Variants in KIAA1217 observed in about 807,000 individuals in gnomAD.
KIAA1217 encodes the protein KIAA1217.
Under a neutral mutation model 163.9 loss-of-function variants are expected in KIAA1217, and 88 were observed. That is an observed-to-expected ratio of 0.54 (90% CI 0.45 to 0.64). The LOEUF (loss-of-function observed/expected upper bound fraction) is 0.64. Ranked by LOEUF, KIAA1217 falls within the 30% of genes least tolerant of loss-of-function variation. The pLI is 0.00. For synonymous variants in KIAA1217, 903 were observed against 923.1 expected (o/e 0.98, Z 0.39); for missense variants, 2,372 against 2,475.0 (o/e 0.96, Z 0.88).
chr10:23,723,264 T>C (rs1837963267), intron 1 of KIAA1217, among the ~76,000 whole-genome samples: 1 of 152,140 alleles, frequency 6.6e-6, no homozygotes, highest in Admixed American at 6.6e-5. Flanking sequence ...GCTTTTGGGA[T>C]GATTGTATCT....
At chr10:24,148,937 A>G (rs1296833468) in intron 2 of KIAA1217, among the ~76,000 whole-genome samples, 1 of 152,210 alleles carries the variant, frequency 6.6e-6, no homozygotes, top group African/African-American at 2.4e-5. Flanking sequence ...ATATCTTAAA[A>G]TGATATGGAA....
intron 1 of KIAA1217, among the ~76,000 whole-genome samples, chr10:23,803,979 TATATG>T (rs1836611875): frequency 6.6e-6 from 1 of 152,236 alleles, no homozygotes; most frequent in African/African-American, 2.4e-5. Flanking sequence ...GCTTCATAGA[TATATG>T]ATATAAATAT....
chr10:24,133,478 A>G (rs2063728060), intron 2 of KIAA1217, among the ~76,000 whole-genome samples: 1 of 151,972 alleles, frequency 6.6e-6, no homozygotes, highest in Non-Finnish European at 1.5e-5. Flanking sequence ...AGGGTGAGGC[A>G]GAAGAATCAC....
intron 2 of KIAA1217, chr10:24,158,296 C>T (rs954484280): frequency 1.4e-6 from 1 of 701,368 alleles, no homozygotes; most frequent in Non-Finnish European, 2.7e-6. Context: ...CCGGTTGGAT[C>T]CTTTTTATAC....
intron 6 of KIAA1217, among the ~76,000 whole-genome samples, chr10:24,492,394 C>T (rs563074002): frequency 1.3e-5 from 2 of 152,296 alleles, no homozygotes; most frequent in African/African-American, 2.4e-5. Flanking sequence ...GGTTTAGCAT[C>T]GGCTGGTGTA....
chr10:23,952,329 C>A (rs1049414224), intron 1 of KIAA1217, among the ~76,000 whole-genome samples: 2 of 152,150 alleles, frequency 1.3e-5, no homozygotes. Context: ...CATTGCTTCC[C>A]GTGTTCTGGA....
At chr10:24,003,650 A>G (rs1846854624) in intron 1 of KIAA1217, among the ~76,000 whole-genome samples, 2 of 152,192 alleles carry the variant, frequency 1.3e-5, no homozygotes, top group South Asian at 2.1e-4. Context: ...GTCTTTTGCA[A>G]AAAGGGGTGG....
chr10:24,311,117 CA>C (rs954780182), intron 2 of KIAA1217, among the ~76,000 whole-genome samples: 1 of 152,142 alleles, frequency 6.6e-6, no homozygotes, highest in African/African-American at 2.4e-5. Context: ...TCCCCAATGC[CA>C]GAACTCCTAA....
Position 24,211,546 on chromosome 10 carries a change from TATTGTATTGTATTGTATTGTATTG to T in KIAA1217, c.70+2284_70+2307del, listed in dbSNP as rs1564836073. Among the ~76,000 whole-genome samples the T allele has an allele frequency of 9.5e-4, 81 of 85,550 alleles. 3 individuals are homozygous for T. Among genetic ancestry groups the T allele is most frequent in the South Asian group, 2.4e-3 (8 of 3,272 alleles). 56.1% of individuals were successfully genotyped at this position (85,550 alleles called of 152,430 possible). A position where few individuals can be genotyped will look rare whatever the true frequency, so the allele number is the denominator to read the frequency against. ...CACCATGCATGGTTGTATTGTATTG[TATTGTATTGTATTGTATTGTATTG>T]TATTGTATTGTATTGTATTGTATTT... On this transcript the variant is annotated intron_variant, in intron 1 of 20. Coordinates refer to ENST00000376454, the MANE Select transcript of KIAA1217 (RefSeq NM_019590.5).
chr10:24,448,516 A>T (rs2061145513), intron 5 of KIAA1217, among the ~76,000 whole-genome samples: 1 of 152,128 alleles, frequency 6.6e-6, no homozygotes, highest in Non-Finnish European at 1.5e-5. Context: ...CCTCCTGATT[A>T]GCTGGAACTA....
chr10:24,362,733 G>T (rs901832375), intron 2 of KIAA1217, among the ~76,000 whole-genome samples: 1 of 152,166 alleles, frequency 6.6e-6, no homozygotes, highest in Non-Finnish European at 1.5e-5. Flanking sequence ...GGGCGCGGTG[G>T]CTCACGCCTA....
intron 2 of KIAA1217, among the ~76,000 whole-genome samples, chr10:24,047,258 A>G (rs899003440): frequency 1.3e-5 from 2 of 152,120 alleles, no homozygotes; most frequent in African/African-American, 4.8e-5. Context: ...AATTCAAGAA[A>G]GGCTCTTCCA....
intron 9 of KIAA1217, among the ~76,000 whole-genome samples, chr10:24,512,034 C>T: frequency 6.6e-6 from 1 of 152,138 alleles, no homozygotes; most frequent in East Asian, 1.9e-4. Flanking sequence ...AACTGGAAAT[C>T]GAACCCAGGC....
At chr10:24,516,806 T>C (rs1205876776) in intron 10 of KIAA1217, among the ~76,000 whole-genome samples, 1 of 152,194 alleles carries the variant, frequency 6.6e-6, no homozygotes, top group Non-Finnish European at 1.5e-5. Flanking sequence ...CAAAACGTCC[T>C]ATGGTATTCA....
chr10:23,855,153 C>G (rs931355372), intron 1 of KIAA1217, among the ~76,000 whole-genome samples: 1 of 152,140 alleles, frequency 6.6e-6, no homozygotes, highest in African/African-American at 2.4e-5. Flanking sequence ...TGGCTGGTAC[C>G]GGTTGTTCCT....
At chr10:24,346,233 G>T (rs1216985637) in intron 2 of KIAA1217, among the ~76,000 whole-genome samples, 1 of 152,112 alleles carries the variant, frequency 6.6e-6, no homozygotes, top group Non-Finnish European at 1.5e-5. Context: ...GGAGGCCGAG[G>T]TGTGGGCGGA....
intron 1 of KIAA1217, among the ~76,000 whole-genome samples, chr10:23,995,029 T>C (rs1210861951): frequency 6.6e-6 from 1 of 152,188 alleles, no homozygotes; most frequent in Admixed American, 6.5e-5. Flanking sequence ...TCTTTTAAAG[T>C]GTTGCCTCCA....
chr10:23,956,597 A>C (rs1199140833), intron 1 of KIAA1217, among the ~76,000 whole-genome samples: 2 of 152,122 alleles, frequency 1.3e-5, no homozygotes, highest in African/African-American at 4.8e-5. Context: ...ATTGCTGTAA[A>C]GGGATACCTG....
chr10:24,217,911 C>G (rs915311469), intron 1 of KIAA1217, among the ~76,000 whole-genome samples: 2 of 152,230 alleles, frequency 1.3e-5, no homozygotes, highest in East Asian at 3.9e-4. Flanking sequence ...TTAGTTCAGT[C>G]GTCTTCATTT....
Sources: gnomAD v4.1 joint callset for allele counts (sites outside exome capture counted in the v4.1 genomes callset) on GRCh38, gnomAD v4.1.1 for gene constraint, MANE v1.5 for transcripts, NCBI Gene and HGNC (gene_info 2026-07-23, HGNC 2026-07-21) for gene names.